DCC: variants seen among roughly 807,000 people sequenced by gnomAD.
DCC encodes the protein DCC netrin 1 receptor, also known as netrin receptor DCC.
Under a neutral mutation model 172.5 loss-of-function variants are expected in DCC, and 58 were observed. That is an observed-to-expected ratio of 0.34 (90% CI 0.27 to 0.42). The LOEUF is 0.42. Ranked by LOEUF, DCC falls within the 10% of genes least tolerant of loss-of-function variation. The pLI is 1.00. For missense variants in DCC, 1,740 were observed against 1,791.0 expected (o/e 0.97, Z 0.51); for synonymous variants, 709 against 644.5 (o/e 1.10, Z -1.52).
intron 5 of DCC, among the ~76,000 whole-genome samples, chr18:53,003,621 A>G (rs1034876234): frequency 3.9e-5 from 6 of 152,106 alleles, no homozygotes; most frequent in African/African-American, 1.4e-4. Flanking sequence ...TTCTATACCT[A>G]TCTCAGTGCC....
intron 8 of DCC, among the ~76,000 whole-genome samples, chr18:53,165,983 A>C (rs2054913579): frequency 6.6e-6 from 1 of 152,200 alleles, no homozygotes; most frequent in Non-Finnish European, 1.5e-5. Context: ...AAACTAGAGC[A>C]GAGGTCAGCC....
intron 27 of DCC, chr18:53,505,390 CT>C (rs1184373402): frequency 6.6e-6 from 1 of 151,992 alleles, no homozygotes; most frequent in Non-Finnish European, 1.5e-5. Flanking sequence ...GCATATGGGA[CT>C]ATTGCTTACA....
chr18:53,243,858 T>A (rs1323667202), intron 12 of DCC, among the ~76,000 whole-genome samples: 1 of 152,184 alleles, frequency 6.6e-6, no homozygotes, highest in Non-Finnish European at 1.5e-5. Flanking sequence ...TTTCTTTTTA[T>A]TAAATATTTT....
At chr18:53,229,316 CA>C (rs1187047491) in intron 12 of DCC, among the ~76,000 whole-genome samples, 2 of 152,032 alleles carry the variant, frequency 1.3e-5, no homozygotes, top group African/African-American at 4.8e-5. Context: ...TACTGTCTTG[CA>C]AGAATCAATT....
At chr18:52,465,303 G>C (rs1988753887) in intron 1 of DCC, among the ~76,000 whole-genome samples, 1 of 152,208 alleles carries the variant, frequency 6.6e-6, no homozygotes, top group Admixed American at 6.5e-5. Flanking sequence ...GGTTACCAAA[G>C]ATTGGGGAAC....
chr18:52,895,281 T>G (rs2039712391), intron 2 of DCC, among the ~76,000 whole-genome samples: 1 of 152,240 alleles, frequency 6.6e-6, no homozygotes. Context: ...TAATGAGATT[T>G]TTAGCTTAAT....
chr18:52,597,210 C>T (rs1003835646), intron 1 of DCC, among the ~76,000 whole-genome samples: 1 of 152,178 alleles, frequency 6.6e-6, no homozygotes, highest in Non-Finnish European at 1.5e-5. Context: ...AATGAAGTTT[C>T]ATCTTGCTGT....
intron 2 of DCC, among the ~76,000 whole-genome samples, chr18:52,844,534 C>T (rs2038855766): frequency 1.3e-5 from 2 of 152,122 alleles, no homozygotes; most frequent in Non-Finnish European, 2.9e-5. Flanking sequence ...CAACCATTTC[C>T]TCAGTGACTC....
chr18:53,112,408 CAAAT>C (rs2043346108), intron 7 of DCC, among the ~76,000 whole-genome samples: 1 of 151,464 alleles, frequency 6.6e-6, no homozygotes, highest in African/African-American at 2.4e-5. Context: ...ACAGTTGACA[CAAAT>C]AAATAGAATT....
At chr18:53,032,986 A>T (rs572797086) in intron 5 of DCC, among the ~76,000 whole-genome samples, 9 of 152,282 alleles carry the variant, frequency 5.9e-5, no homozygotes, top group African/African-American at 2.2e-4. Context: ...ACTCTTAATG[A>T]GTTGAGAATT....
At chr18:53,385,776 A>G (rs1320806393) in intron 15 of DCC, among the ~76,000 whole-genome samples, 1 of 152,194 alleles carries the variant, frequency 6.6e-6, no homozygotes, top group African/African-American at 2.4e-5. Context: ...GAGGGCACAC[A>G]TCATCACATA....
intron 5 of DCC, among the ~76,000 whole-genome samples, chr18:53,010,253 A>G (rs1443346201): frequency 6.6e-6 from 1 of 151,956 alleles, no homozygotes; most frequent in Non-Finnish European, 1.5e-5. Flanking sequence ...CTACACTGAT[A>G]TAATTAAAAT....
intron 1 of DCC, among the ~76,000 whole-genome samples, chr18:52,701,803 T>C (rs983222487): frequency 6.6e-6 from 1 of 152,180 alleles, no homozygotes; most frequent in African/African-American, 2.4e-5. Context: ...TTGTACACCC[T>C]CTCCAAGACT....
At chr18:53,040,627 C>T (rs562534012) in intron 5 of DCC, among the ~76,000 whole-genome samples, 23 of 151,968 alleles carry the variant, frequency 1.5e-4, no homozygotes, top group Admixed American at 6.6e-4. Flanking sequence ...TTGGCCCAGG[C>T]GTGGGAGTTA....
chr18:52,946,274 A>G (rs2040543668), intron 5 of DCC, among the ~76,000 whole-genome samples: 1 of 152,192 alleles, frequency 6.6e-6, no homozygotes. Flanking sequence ...CTATTAATCC[A>G]TCTCTGTAAT....
At chr18:52,814,533 T>C (rs949850364) in intron 2 of DCC, among the ~76,000 whole-genome samples, 2 of 152,156 alleles carry the variant, frequency 1.3e-5, no homozygotes, top group African/African-American at 2.4e-5. Context: ...AATAGCACCA[T>C]GAAAAATGTA....
intron 2 of DCC, among the ~76,000 whole-genome samples, chr18:52,773,846 T>G (rs1444716170): frequency 6.8e-6 from 1 of 148,112 alleles, no homozygotes; most frequent in Admixed American, 6.7e-5. Flanking sequence ...ATATATATTT[T>G]TTAAAGGTGG....
intron 7 of DCC, among the ~76,000 whole-genome samples, chr18:53,096,260 G>A (rs2144200244): frequency 6.6e-6 from 1 of 152,236 alleles, no homozygotes; most frequent in Non-Finnish European, 1.5e-5. Context: ...GATCGCTTGA[G>A]CCTGAGGGCC....
chr18:52,695,509 A>G (rs1157903387), intron 1 of DCC, among the ~76,000 whole-genome samples: 1 of 152,300 alleles, frequency 6.6e-6, no homozygotes, highest in East Asian at 1.9e-4. Context: ...AACTTAAAGG[A>G]ATTTTGGACA....
Sources: gnomAD v4.1 joint callset for allele counts (sites outside exome capture counted in the v4.1 genomes callset) on GRCh38, gnomAD v4.1.1 for gene constraint, MANE v1.5 for transcripts, NCBI Gene and HGNC (gene_info 2026-07-23, HGNC 2026-07-21) for gene names.